Variants in SYCP2 observed in about 807,000 individuals in gnomAD.
SYCP2 encodes synaptonemal complex protein 2.
A neutral mutation model predicts 211.3 loss-of-function variants in SYCP2; 55 were observed. That is an observed-to-expected ratio of 0.26 (90% CI 0.21 to 0.33). The LOEUF is 0.33. SYCP2 is among the 10% of genes least tolerant of loss of function. The pLI is 1.00. For missense variants in SYCP2, 1,731 were observed against 1,752.0 expected, an observed-to-expected ratio of 0.99 and a Z score of 0.21; for synonymous variants, 570 against 555.2, an observed-to-expected ratio of 1.03 and a Z score of -0.37.
At chr20:59,884,727 T>C (rs1447996198) in intron 26 of SYCP2, among the ~76,000 whole-genome samples, 2 of 151,892 alleles carry the variant, frequency 1.3e-5, no homozygotes, top group East Asian at 1.9e-4. Context: ...TTACAGAATA[T>C]GTAAAAATGA....
In SYCP2 at chr20:59,874,078, T is replaced by G. The variant is rs1555871914; in HGVS notation, c.3350-17A>C. ...TCTCTATACCTATATTGCATCAAAATAAAAAAGAAAATAGATGGCAAGCGT... is the reference window on the plus strand; with the variant it reads ...TCTCTATACCTATATTGCATCAAAAGAAAAAAGAAAATAGATGGCAAGCGT... On this transcript the variant is annotated splice_polypyrimidine_tract_variant and intron_variant, in intron 34 of 44. Transcript: ENST00000357552. The G allele has an allele frequency of 2.9e-5, 41 of 1,435,148 alleles. No individual in the cohort carries two copies. The South Asian group carries it at 5.5e-4, about 19-fold the overall frequency. 88.9% of individuals were successfully genotyped at this position (1,435,148 alleles called of 1,614,324 possible).
chr20:59,885,986 A>C (rs747282880), intron 25 of SYCP2, 22 bp from the exon 26 acceptor site: 14 of 1,588,092 alleles, frequency 8.8e-6, no homozygotes, highest in Non-Finnish European at 1.1e-5. Context: ...GATTTTGTCA[A>C]AATTGAAAAA....
At chr20:59,916,672 A>G in intron 7 of SYCP2, 101 bp from the exon 8 acceptor site, 1 of 757,120 alleles carries the variant, frequency 1.3e-6, no homozygotes. Context: ...AGGCATGGTA[A>G]CTCAGGCCTA....
Position 59,875,450 on chromosome 20 carries a change from C to T in SYCP2, c.3170G>A (p.Arg1057Lys). The change falls in exon 34 of 45, where the codon AGA becomes AAA. Residue 1057 changes from arginine (R) to lysine (K), a missense_variant. By Grantham distance (26) the Arg-to-Lys change is conservative (BLOSUM62 2). Coordinates refer to ENST00000357552, the MANE Select transcript of SYCP2 (RefSeq NM_014258.4). ...IPVKEENIHS[R>K]MKTVKLPKKQ... The stretch of plus-strand genomic sequence containing the variant: ...CTTTGGTAGCTTTACCGTTTTCATT[C>T]TGGAATGGATATTCTCCTCCTAAAT... 1 of 1,611,698 alleles carries T rather than the reference C, an allele frequency of 6.2e-7. No homozygotes were observed. The highest frequency in any genetic ancestry group is 8.5e-7 in the Non-Finnish European group (1 of 1,178,842).
intron 24 of SYCP2, among the ~76,000 whole-genome samples, chr20:59,889,329 G>T (rs2059858622): frequency 6.6e-6 from 1 of 151,764 alleles, no homozygotes. Flanking sequence ...TGGGTAAATG[G>T]GTATACGAGG....
chr20:59,878,760 A>C (rs2059608943), intron 31 of SYCP2, among the ~76,000 whole-genome samples: 1 of 152,150 alleles, frequency 6.6e-6, no homozygotes, highest in Admixed American at 6.6e-5. Flanking sequence ...TCCATACATC[A>C]CAATGTTAAT....
intron 2 of SYCP2, among the ~76,000 whole-genome samples, chr20:59,928,262 T>C (rs1306941826): frequency 6.6e-6 from 1 of 152,144 alleles, no homozygotes; most frequent in Non-Finnish European, 1.5e-5. Context: ...AATCAGACAA[T>C]TGCATTTTTT....
intron 2 of SYCP2, among the ~76,000 whole-genome samples, chr20:59,929,275 A>G (rs985412190): frequency 6.6e-6 from 1 of 151,470 alleles, no homozygotes; most frequent in Non-Finnish European, 1.5e-5. Flanking sequence ...GTGGGAATAA[A>G]GGAAATTGGA....
chr20:59,902,394 A>G (rs974832378), intron 15 of SYCP2, among the ~76,000 whole-genome samples: 1 of 152,072 alleles, frequency 6.6e-6, no homozygotes, highest in Non-Finnish European at 1.5e-5. Context: ...CCTCCCTACA[A>G]AAGTTACCAA....
rs2059677990 is a variant in SYCP2, at chr20:59,881,424, TAAA to T, written c.2714+10_2714+12del. 1 of 1,419,522 alleles carries T rather than the reference TAAA, an allele frequency of 7.0e-7. No individual in the cohort carries two copies. Among genetic ancestry groups the T allele is most frequent in the South Asian group, 1.3e-5 (1 of 77,346 alleles). 87.9% of individuals were successfully genotyped at this position (1,419,522 alleles called of 1,614,324 possible). A position where few individuals can be genotyped will look rare whatever the true frequency, so the allele number is the denominator to read the frequency against. ...AAAAGATCAGAATATTTTAATCTAATAAAAATACCTACAATCTAATTGACCTAT... is the reference window on the plus strand; with the variant it reads ...AAAAGATCAGAATATTTTAATCTAATAATACCTACAATCTAATTGACCTAT... On this transcript the variant is annotated intron_variant, in intron 29 of 44. Transcript: ENST00000357552.
intron 26 of SYCP2, among the ~76,000 whole-genome samples, chr20:59,885,612 G>A (rs1025594162): frequency 2.0e-5 from 3 of 151,934 alleles, no homozygotes; most frequent in African/African-American, 4.8e-5. Context: ...TAATTGTTAG[G>A]AGAAATGGGA....
intron 14 of SYCP2, among the ~76,000 whole-genome samples, chr20:59,908,727 T>C (rs73309258): frequency 0.03 from 4,633 of 152,208 alleles, 227 homozygotes; most frequent in African/African-American, 0.1. Flanking sequence ...TCAACAGTTA[T>C]CAGTATGTTG....
intron 26 of SYCP2, among the ~76,000 whole-genome samples, chr20:59,884,227 T>C (rs1009133111): frequency 6.6e-6 from 1 of 151,934 alleles, no homozygotes; most frequent in African/African-American, 2.4e-5. Flanking sequence ...AACTCTTAAA[T>C]AGAAAACTTT....
rs1331211273 is a variant in SYCP2, at chr20:59,895,584, T to G, written c.1518A>C (p.Arg506=). ...VLFSNTSIPP[R]RRRIKPPLQM... is the part of the protein sequence containing the mutation. Reference sequence around the variant, plus strand: ...GCAGTGGTGGTTTAATTCTTCTTCTTCGTGGTGGTATTGCTAAAAAGGAGG... The same window carrying G: ...GCAGTGGTGGTTTAATTCTTCTTCTGCGTGGTGGTATTGCTAAAAAGGAGG... Residue 506 remains arginine (R), a synonymous_variant, in exon 20 of 45, where the codon CGA becomes CGC. Transcript: ENST00000357552. The G allele has an allele frequency of 1.9e-6, 3 of 1,613,160 alleles. No homozygotes were observed. The highest frequency in any genetic ancestry group is 2.5e-6 in the Non-Finnish European group (3 of 1,179,434).
intron 13 of SYCP2, 103 bp from the exon 14 acceptor site, chr20:59,911,948 G>GGA: frequency 2.1e-6 from 1 of 479,606 alleles, no homozygotes; most frequent in Non-Finnish European, 3.7e-6. Flanking sequence ...AAAGCTAGAA[G>GGA]GAGAGAGAAG....
chr20:59,915,454 C>T lies in SYCP2; in HGVS notation c.599+11G>A. The T allele has an allele frequency of 6.5e-7, 1 of 1,536,308 alleles. No individual in the cohort carries two copies. On this transcript the variant is annotated intron_variant, in intron 9 of 44. Transcript: ENST00000357552. ...TTTAAGAATAAAAACCATATAAGTACAGATTATTACATGAGAATTAACATT... is the reference window on the plus strand; with the variant it reads ...TTTAAGAATAAAAACCATATAAGTATAGATTATTACATGAGAATTAACATT...
At chr20:59,921,557 G>C (rs2060541530) in intron 3 of SYCP2, 104 bp from the exon 4 acceptor site, 1 of 726,830 alleles carries the variant, frequency 1.4e-6, no homozygotes, top group Non-Finnish European at 2.0e-6. Flanking sequence ...ACTCTCAAAT[G>C]AACTCATAAA....
At chr20:59,913,896 A>G (rs1233753165) in intron 12 of SYCP2, 79 bp downstream of exon 12, 3 of 1,009,514 alleles carry the variant, frequency 3.0e-6, no homozygotes, top group African/African-American at 1.6e-5. Flanking sequence ...AGTTAAATGT[A>G]TAAAGATGCA....
intron 18 of SYCP2, among the ~76,000 whole-genome samples, chr20:59,897,919 T>G (rs1436894377): frequency 1.3e-5 from 2 of 152,052 alleles, no homozygotes; most frequent in Non-Finnish European, 2.9e-5. Context: ...CTGTCTCTAC[T>G]AAAACAACAA....
Sources: allele counts gnomAD v4.1 joint callset (sites outside exome capture counted in the v4.1 genomes callset), GRCh38; gene constraint gnomAD v4.1.1; transcripts MANE v1.5; gene names NCBI Gene and HGNC (gene_info 2026-07-23, HGNC 2026-07-21).